The following KCNC1 variants were observed in gnomAD, a reference collection of about 807,000 sequenced individuals.
KCNC1 encodes the protein potassium voltage-gated channel subfamily C member 1.
In KCNC1, 8 loss-of-function variants were observed where a neutral mutation model predicts 43.4. The observed-to-expected ratio is 0.18, with a 90% CI of 0.11 to 0.33. The LOEUF (loss-of-function observed/expected upper bound fraction) is 0.33, where lower values mean the gene tolerates loss of function less well. KCNC1 is among the 10% of genes least tolerant of loss of function. The probability of loss-of-function intolerance (pLI) is 1.00; values close to 1 mark genes in which losing one functional copy is unlikely to be tolerated. For missense variants in KCNC1, 420 were observed against 836.0 expected (o/e 0.50, Z 6.14); for synonymous variants, 361 against 360.5 (o/e 1.00, Z -0.01).
At position 17,735,846 on chromosome 11, in the gene KCNC1, C is replaced by G. The variant is rs1427116080; in HGVS notation, c.-157C>G. On this transcript the variant is annotated 5_prime_UTR_variant, in exon 1 of 4. Coordinates refer to ENST00000265969, the MANE Select transcript of KCNC1 (RefSeq NM_001112741.2). The surrounding 1 kb of genome is among the most constrained non-coding windows in gnomAD (Gnocchi z 6.7). ...ACAAAGCGCCCGGAGAGGCTTGGCT[C>G]GCTCGTTGGGGTGGCCAGAGCCGCA... The G allele has an allele frequency of 3.7e-6, 3 of 815,120 alleles. No homozygotes were observed. Among genetic ancestry groups the G allele is most frequent in the Non-Finnish European group, 5.3e-6 (3 of 569,402 alleles). 50.5% of individuals were successfully genotyped at this position (815,120 alleles called of 1,614,324 possible). A position where few individuals can be genotyped will look rare whatever the true frequency, so the allele number is the denominator to read the frequency against.
At chr11:17,750,973 A>G (rs1462699557) in intron 1 of KCNC1, among the ~76,000 whole-genome samples, 1 of 152,204 alleles carries the variant, frequency 6.6e-6, no homozygotes, top group African/African-American at 2.4e-5. Flanking sequence ...AGGTTAGGCA[A>G]TAGTAGTGCC....
intron 1 of KCNC1, among the ~76,000 whole-genome samples, chr11:17,759,907 G>A (rs143966791): frequency 2.0e-5 from 3 of 152,142 alleles, no homozygotes; most frequent in Admixed American, 1.3e-4. Context: ...AAAATAGCAC[G>A]GGTTGCCACA....
chr11:17,752,152 A>G (rs756353738), intron 1 of KCNC1, among the ~76,000 whole-genome samples: 10 of 152,158 alleles, frequency 6.6e-5, no homozygotes, highest in Admixed American at 1.3e-4. Context: ...TAGGTGGCCA[A>G]TGTTGAGCTT....
rs956004256 is a variant in KCNC1, at chr11:17,779,160, C to T, written c.1505-296C>T. On this transcript the variant is annotated intron_variant, in intron 2 of 3. Coordinates refer to ENST00000265969, the MANE Select transcript of KCNC1 (RefSeq NM_001112741.2). The surrounding 1 kb of genome is among the most constrained non-coding windows in gnomAD (Gnocchi z 7.2). ...ATCGGCCCTGCTTGGGGCCCGGGGC[C>T]GGCCCCCAGCACCACACCTGCTGGA... 2.4e-5 allele frequency: 7 copies of T among 295,498 alleles called. No homozygotes were observed. The highest frequency in any genetic ancestry group is 8.9e-5 in the South Asian group (1 of 11,194). The allele number at this position is 295,498 out of a possible 1,614,324, so 18.3% of individuals were successfully genotyped here. A position where few individuals can be genotyped will look rare whatever the true frequency, so the allele number is the denominator to read the frequency against.
intron 1 of KCNC1, among the ~76,000 whole-genome samples, chr11:17,753,313 G>A (rs1320644165): frequency 6.6e-6 from 1 of 152,244 alleles, no homozygotes; most frequent in African/African-American, 2.4e-5. Flanking sequence ...AGCATAGCAG[G>A]TGGTGCCTGG....
chr11:17,747,114 G>C (rs2237953), intron 1 of KCNC1, among the ~76,000 whole-genome samples: 113,952 of 151,584 alleles, frequency 0.75, 43,580 homozygotes, highest in East Asian at 0.9. Context: ...CTAGGTGGCA[G>C]CTCACCTACC....
At chr11:17,757,224 T>G (rs910210826) in intron 1 of KCNC1, among the ~76,000 whole-genome samples, 1 of 151,974 alleles carries the variant, frequency 6.6e-6, no homozygotes, top group African/African-American at 2.4e-5. Context: ...CCACACACAG[T>G]GAGTGATGAA....
intron 2 of KCNC1, chr11:17,774,778 C>T: frequency 1.0e-6 from 1 of 985,452 alleles, no homozygotes; most frequent in Non-Finnish European, 1.2e-6. Flanking sequence ...ATGCCTGGAT[C>T]CCTCCTGCCT....
rs149174345 is a variant in KCNC1, at chr11:17,759,118, C to G, written c.571-12547C>G. On this transcript the variant is annotated intron_variant, in intron 1 of 3. Coordinates refer to ENST00000265969, the MANE Select transcript of KCNC1 (RefSeq NM_001112741.2). ...AGATCTTCTGGATAACTTGCTACAGCTTTTCCTTCTCTATCAGCATTTGCT... is the reference window on the plus strand; with the variant it reads ...AGATCTTCTGGATAACTTGCTACAGGTTTTCCTTCTCTATCAGCATTTGCT... Among the ~76,000 whole-genome samples, 24 of 152,360 alleles carry G rather than the reference C, an allele frequency of 1.6e-4. No individual in the cohort carries two copies. In the South Asian group the frequency reaches 1.7e-3, roughly 11 times the overall value.
intron 1 of KCNC1, among the ~76,000 whole-genome samples, chr11:17,760,593 G>A (rs886452567): frequency 6.6e-6 from 1 of 152,162 alleles, no homozygotes; most frequent in Non-Finnish European, 1.5e-5. Flanking sequence ...CACTCCCTAA[G>A]GCCTCCCCTA....
chr11:17,768,640 T>G (rs1171817836), intron 1 of KCNC1, among the ~76,000 whole-genome samples: 3 of 138,162 alleles, frequency 2.2e-5, no homozygotes, highest in Non-Finnish European at 4.7e-5. Flanking sequence ...GGGAATGGGA[T>G]GTCCTGGCTG....
intron 1 of KCNC1, among the ~76,000 whole-genome samples, chr11:17,770,099 C>G (rs565843631): frequency 1.2e-4 from 18 of 152,324 alleles, no homozygotes; most frequent in African/African-American, 3.6e-4. Flanking sequence ...ATGGTTAATC[C>G]AAACAAGACT....
At position 17,739,515 on chromosome 11, in the gene KCNC1, G is replaced by A. The variant is rs539180977; in HGVS notation, c.570+2943G>A. On this transcript the variant is annotated intron_variant, in intron 1 of 3. Transcript: ENST00000265969. This position sits in a 1 kb window ranked among gnomAD's most constrained non-coding sequence, Gnocchi z 4.2. ...TGCGTGTGTGAGAATGAGACTGTGT[G>A]GGAGAGAGTGTGTATAAGGAAGAGA... Among the ~76,000 whole-genome samples, 1 of 152,158 alleles carries A rather than the reference G, an allele frequency of 6.6e-6. No homozygotes were observed. The highest frequency in any genetic ancestry group is 1.9e-4 in the East Asian group (1 of 5,170).
At chr11:17,753,812 T>C (rs1356468006) in intron 1 of KCNC1, among the ~76,000 whole-genome samples, 1 of 152,212 alleles carries the variant, frequency 6.6e-6, no homozygotes, top group Admixed American at 6.5e-5. Context: ...CCTCACCATG[T>C]GTCCCAGATT....
Position 17,777,632 on chromosome 11 carries a change from C to T in KCNC1, c.1505-1824C>T. On this transcript the variant is annotated intron_variant, in intron 2 of 3. Transcript: ENST00000265969. This position sits in a 1 kb window ranked among gnomAD's most constrained non-coding sequence, Gnocchi z 4.3. ...CGCCCCGGCCCCAGTCACATGGTGT[C>T]AGAGTTACCTTGGCAACTGGCCTTT... 5.1e-6 allele frequency: 5 copies of T among 985,882 alleles called. No individual in the cohort carries two copies. Among genetic ancestry groups the T allele is most frequent in the Non-Finnish European group, 6.0e-6 (5 of 829,950 alleles). The allele number at this position is 985,882 out of a possible 1,614,324, so 61.1% of individuals were successfully genotyped here.
rs753765762 is a variant in KCNC1 at position 17,779,562 on chromosome 11, G to A, written c.1611G>A (p.Ser537=). Residue 537 remains serine, a synonymous_variant, in exon 3 of 4, where the codon TCG becomes TCA. Transcript: ENST00000265969. The surrounding 1 kb of genome is among the most constrained non-coding windows in gnomAD (Gnocchi z 7.2). The part of the protein sequence containing the change: ...TPDEGLPFTR[S]GTRERYGPCF... Reference sequence around the variant, plus strand: ...ATGAGGGCCTGCCCTTTACGCGCTCGGGCACCCGCGAGAGATACGGACCCT... The same window carrying A: ...ATGAGGGCCTGCCCTTTACGCGCTCAGGCACCCGCGAGAGATACGGACCCT... 37 of 1,551,440 alleles carry A rather than the reference G, an allele frequency of 2.4e-5. No homozygotes were observed. Among genetic ancestry groups the A allele is most frequent in the African/African-American group, 4.1e-5 (3 of 73,060 alleles).
chr11:17,775,331 C>T (rs1308910274), intron 2 of KCNC1: 1 of 985,442 alleles, frequency 1.0e-6, no homozygotes, highest in African/African-American at 1.7e-5. Context: ...AGCACCTGCC[C>T]CTCACCTCCA....
chr11:17,767,565 G>A (rs568993690), intron 1 of KCNC1, among the ~76,000 whole-genome samples: 7 of 152,276 alleles, frequency 4.6e-5, no homozygotes, highest in South Asian at 2.1e-4. Context: ...CTCTTGCTCC[G>A]GCTGTGCCTG....
chr11:17,775,848 G>A (rs1448551087), intron 2 of KCNC1: 16 of 985,474 alleles, frequency 1.6e-5, no homozygotes, highest in Non-Finnish European at 1.8e-5. Flanking sequence ...AGAAGCCCCC[G>A]CCTGGGCTCC....
Sources: allele counts gnomAD v4.1 joint callset (sites outside exome capture counted in the v4.1 genomes callset), GRCh38; gene constraint gnomAD v4.1.1; non-coding constraint Gnocchi (gnomAD v3.1); transcripts MANE v1.5; gene names NCBI Gene and HGNC (gene_info 2026-07-23, HGNC 2026-07-21).